Variants in ARHGAP18 observed in about 807,000 individuals in gnomAD.
ARHGAP18 encodes rho GTPase-activating protein 18.
A neutral mutation model predicts 86.2 loss-of-function variants in ARHGAP18; 67 were observed. The ratio of observed to expected loss-of-function variants is 0.78; its 90% CI spans 0.64 to 0.95. The LOEUF (loss-of-function observed/expected upper bound fraction) is 0.95. Among genes scored for constraint, ARHGAP18 ranks in the 40% least tolerant of loss-of-function variants. The pLI is 0.00. For synonymous variants in ARHGAP18, 283 were observed against 280.4 expected (o/e 1.01, Z -0.09); for missense variants, 691 against 780.4 (o/e 0.89, Z 1.37).
At chr6:129,682,974 CCTTT>C (rs1015820508) in intron 1 of ARHGAP18, among the ~76,000 whole-genome samples, 5 of 151,216 alleles carry the variant, frequency 3.3e-5, no homozygotes, top group Admixed American at 1.3e-4. Flanking sequence ...TTCTGTTTCT[CCTTT>C]CTGTTTTTAC....
At position 129,710,074 on chromosome 6, in the gene ARHGAP18, G is replaced by A. The variant is rs138062778; in HGVS notation, c.63C>T (p.Asp21=). ...VLTAYHPSGK[D]QTVGNSHAKA... ...TTGCATGGCTGTTCCCGACGGTCTG[G>A]TCCTTGCCGCTGGGGTGGTAGGCTG... Residue 21 remains aspartate (D), a synonymous_variant, in exon 1 of 15, where the codon GAC becomes GAT. Coordinates refer to ENST00000368149, the MANE Select transcript of ARHGAP18 (RefSeq NM_033515.3). The A allele has an allele frequency of 6.7e-4, 1,077 of 1,614,136 alleles. 2 individuals are homozygous for A. The highest frequency in any genetic ancestry group is 1.2e-3 in the Admixed American group (72 of 60,022).
At chr6:129,634,563 C>T (rs896476458) in intron 3 of ARHGAP18, among the ~76,000 whole-genome samples, 2 of 152,062 alleles carry the variant, frequency 1.3e-5, no homozygotes, top group Non-Finnish European at 2.9e-5. Context: ...GAACCAGTCA[C>T]AAAGAGCCAC....
At chr6:129,603,880 C>T (rs988095342) in intron 10 of ARHGAP18, among the ~76,000 whole-genome samples, 1 of 152,204 alleles carries the variant, frequency 6.6e-6, no homozygotes, top group Non-Finnish European at 1.5e-5. Flanking sequence ...AACCCTTAGA[C>T]TTGCTGTAGC....
intron 5 of ARHGAP18, among the ~76,000 whole-genome samples, chr6:129,625,053 AT>A (rs1789324671): frequency 1.4e-5 from 1 of 70,274 alleles, no homozygotes; most frequent in African/African-American, 5.9e-5. Flanking sequence ...AATATATATG[AT>A]TGATATATAT....
At chr6:129,686,978 C>CTT (rs71028176) in intron 1 of ARHGAP18, among the ~76,000 whole-genome samples, 167 of 106,862 alleles carry the variant, frequency 1.6e-3, no homozygotes, top group East Asian at 3.2e-3. Flanking sequence ...TTTTTTTTTT[C>CTT]TTTTTTTTTT....
At chr6:129,622,777 G>T (rs1789256425) in intron 5 of ARHGAP18, among the ~76,000 whole-genome samples, 1 of 152,052 alleles carries the variant, frequency 6.6e-6, no homozygotes, top group Non-Finnish European at 1.5e-5. Flanking sequence ...GAGGCAGGTA[G>T]ATCACCTAAG....
At chr6:129,600,080 A>T (rs1012318699) in intron 11 of ARHGAP18, among the ~76,000 whole-genome samples, 1 of 151,798 alleles carries the variant, frequency 6.6e-6, no homozygotes, top group Non-Finnish European at 1.5e-5. Flanking sequence ...AGCTCCTCAA[A>T]TAAGAGATTG....
rs181218299 is a variant in ARHGAP18, at chr6:129,637,213, T to A, written c.552+1181A>T. Reference sequence around the variant, plus strand: ...GCAAGTAGCTGGGTCTACAGGCACATGCCACCGCACCCAGCTAATTCTTGC... The same window carrying A: ...GCAAGTAGCTGGGTCTACAGGCACAAGCCACCGCACCCAGCTAATTCTTGC... On this transcript the variant is annotated intron_variant, in intron 3 of 14. Coordinates refer to ENST00000368149, the MANE Select transcript of ARHGAP18 (RefSeq NM_033515.3). 2.0e-5 allele frequency among the ~76,000 whole-genome samples: 3 copies of A among 152,118 alleles called. No individual in the cohort carries two copies. In the East Asian group the frequency reaches 5.8e-4, roughly 29 times the overall value.
At chr6:129,633,972 A>C (rs9375645) in intron 4 of ARHGAP18, 70 bp downstream of exon 4, 599,388 of 1,331,374 alleles carry the variant, frequency 0.45, 137,545 homozygotes, top group African/African-American at 0.49. Flanking sequence ...GTAATGTTTT[A>C]TAAGACTGTA....
At chr6:129,641,664 T>G in intron 2 of ARHGAP18, 152 bp downstream of exon 2, 1 of 682,770 alleles carries the variant, frequency 1.5e-6, no homozygotes, top group East Asian at 2.7e-5. Context: ...CATCCATAAA[T>G]CTGCCTCAAA....
Position 129,580,072 on chromosome 6 carries a change from A to G in ARHGAP18, c.1898T>C (p.Ile633Thr), listed in dbSNP as rs1365725293. 6.2e-7 allele frequency: 1 copy of G among 1,612,436 alleles called. No individual in the cohort carries two copies. The highest frequency in any genetic ancestry group is 1.3e-5 in the African/African-American group (1 of 74,914). ...EVFLYEIGGNIGERCLDDDTY... is the reference protein window; with the variant it reads ...EVFLYEIGGNTGERCLDDDTY... The stretch of plus-strand genomic sequence containing the variant: ...TAAAGAGAAAAAAAAGTGCTTACCA[A>G]TATTTCCTCCAATTTCATACAAAAA... The change falls in exon 14 of 15, where the codon ATT becomes ACT. Residue 633 changes from isoleucine to threonine, a missense_variant and splice_region_variant. Ile to Thr is a moderately conservative substitution (Grantham distance 89). Transcript: ENST00000368149.
chr6:129,626,001 T>C (rs1455913533), intron 5 of ARHGAP18, among the ~76,000 whole-genome samples: 1 of 117,412 alleles, frequency 8.5e-6, no homozygotes, highest in Non-Finnish European at 1.7e-5. Context: ...ATCAAATATA[T>C]ATCAAATATA....
rs779932719 is a variant in ARHGAP18, at chr6:129,641,877, G to A, written c.255C>T (p.Ile85=). 6.2e-7 allele frequency: 1 copy of A among 1,613,864 alleles called. No homozygotes were observed. The highest frequency in any genetic ancestry group is 8.5e-7 in the Non-Finnish European group (1 of 1,179,900). Residue 85 remains isoleucine (I), a synonymous_variant, in exon 2 of 15, where the codon ATC becomes ATT. Coordinates refer to ENST00000368149, the MANE Select transcript of ARHGAP18 (RefSeq NM_033515.3). ...MEDYWIELEN[I]KKSSENSQED... is the part of the protein sequence containing the mutation. ...CTTGGCTGTTTTCACTAGATTTCTT[G>A]ATGTTTTCTAGTTCTATCCAATAGT...
intron 1 of ARHGAP18, among the ~76,000 whole-genome samples, chr6:129,673,810 TTATAA>T (rs1257290198): frequency 1.3e-5 from 2 of 152,202 alleles, no homozygotes; most frequent in Non-Finnish European, 2.9e-5. Context: ...TTAGGTTATT[TTATAA>T]TATATTTTAA....
At chr6:129,640,429 C>T (rs1327537366) in intron 2 of ARHGAP18, among the ~76,000 whole-genome samples, 1 of 152,144 alleles carries the variant, frequency 6.6e-6, no homozygotes, top group Non-Finnish European at 1.5e-5. Context: ...GACTAGTATG[C>T]TACTTCCATC....
intron 3 of ARHGAP18, among the ~76,000 whole-genome samples, chr6:129,635,236 C>T (rs1773308426): frequency 6.6e-6 from 1 of 152,172 alleles, no homozygotes; most frequent in South Asian, 2.1e-4. Flanking sequence ...CCATTGTAGT[C>T]TCACCACACA....
intron 12 of ARHGAP18, among the ~76,000 whole-genome samples, chr6:129,593,925 G>A (rs1029885711): frequency 1.3e-5 from 2 of 152,120 alleles, no homozygotes; most frequent in Admixed American, 1.3e-4. Flanking sequence ...GTGTAGTCTA[G>A]CACGTCTTAA....
At chr6:129,629,202 A>C (rs922158391) in intron 5 of ARHGAP18, 151 bp downstream of exon 5, 16 of 631,456 alleles carry the variant, frequency 2.5e-5, no homozygotes, top group Non-Finnish European at 3.0e-5. Flanking sequence ...TGGGCAACGT[A>C]GTGAGGCCTC....
intron 1 of ARHGAP18, among the ~76,000 whole-genome samples, chr6:129,705,349 G>A (rs980866317): frequency 7.9e-5 from 12 of 152,304 alleles, no homozygotes; most frequent in African/African-American, 2.6e-4. Flanking sequence ...AAGGAAGCAT[G>A]GAGACAGGAG....
Sources: allele counts gnomAD v4.1 joint callset (sites outside exome capture counted in the v4.1 genomes callset), GRCh38; gene constraint gnomAD v4.1.1; transcripts MANE v1.5; gene names NCBI Gene and HGNC (gene_info 2026-07-23, HGNC 2026-07-21).